The following EHD3 variants were observed in gnomAD, a reference collection of about 807,000 sequenced individuals.
EHD3 encodes the protein EH domain-containing protein 3.
Under a neutral mutation model 43.0 loss-of-function variants are expected in EHD3, and 17 were observed. That is an observed-to-expected ratio of 0.40 (90% confidence interval 0.27 to 0.59). The LOEUF is 0.59. Among genes scored for constraint, EHD3 ranks in the 20% least tolerant of loss-of-function variants. The pLI, the probability that EHD3 is intolerant of heterozygous loss-of-function variation, is 0.49. For missense variants in EHD3, 594 were observed against 705.6 expected (o/e 0.84, Z 1.79); for synonymous variants, 313 against 289.5 (o/e 1.08, Z -0.82).
intron 2 of EHD3, among the ~76,000 whole-genome samples, chr2:31,244,995 T>C (rs1683491984): frequency 6.6e-6 from 1 of 152,206 alleles, no homozygotes; most frequent in Non-Finnish European, 1.5e-5. Flanking sequence ...ATCATGATGA[T>C]GTGAATGGAG....
chr2:31,236,466 G>A (rs1188993976), intron 1 of EHD3, among the ~76,000 whole-genome samples: 1 of 152,208 alleles, frequency 6.6e-6, no homozygotes, highest in East Asian at 1.9e-4. Flanking sequence ...GGGAACCCCT[G>A]ATCTAAGCCA....
Position 31,249,228 on chromosome 2 carries a change from G to A in EHD3, c.405-143G>A, listed in dbSNP as rs1191726148. On this transcript the variant is annotated intron_variant, in intron 2 of 5. Coordinates refer to ENST00000322054, the MANE Select transcript of EHD3 (RefSeq NM_014600.3). The stretch of plus-strand genomic sequence containing the variant: ...CCGGGTCAGCTGTCAGCCACACCCT[G>A]AACTGGGCAAGTCCATGGTGAACTA... 9 of 715,430 alleles carry A rather than the reference G, an allele frequency of 1.3e-5. No homozygotes were observed. The East Asian group carries it at 2.5e-4, about 20-fold the overall frequency. The allele number at this position is 715,430 out of a possible 1,614,324, so 44.3% of individuals were successfully genotyped here. A position where few individuals can be genotyped will look rare whatever the true frequency, so the allele number is the denominator to read the frequency against.
intron 1 of EHD3, among the ~76,000 whole-genome samples, chr2:31,244,004 C>T (rs1027317977): frequency 2.0e-5 from 3 of 152,020 alleles, no homozygotes; most frequent in Non-Finnish European, 2.9e-5. Context: ...AACCTTGCTC[C>T]TTCTACCCCC....
chr2:31,238,922 G>A (rs1683370831), intron 1 of EHD3, among the ~76,000 whole-genome samples: 1 of 152,166 alleles, frequency 6.6e-6, no homozygotes, highest in Non-Finnish European at 1.5e-5. Flanking sequence ...GGGCTCCTTG[G>A]GGAGGCTGGG....
At chr2:31,237,390 T>C (rs2148714843) in intron 1 of EHD3, among the ~76,000 whole-genome samples, 1 of 152,248 alleles carries the variant, frequency 6.6e-6, no homozygotes, top group Admixed American at 6.5e-5. Context: ...TATAATTTTG[T>C]ATGCTGGCTT....
Position 31,249,239 on chromosome 2 carries a change from G to T in EHD3, c.405-132G>T, listed in dbSNP as rs1683587172. On this transcript the variant is annotated intron_variant, in intron 2 of 5. Coordinates refer to ENST00000322054, the MANE Select transcript of EHD3 (RefSeq NM_014600.3). ...GTCAGCCACACCCTGAACTGGGCAA[G>T]TCCATGGTGAACTAAACCCTTCAGG... 5.2e-6 allele frequency: 4 copies of T among 775,222 alleles called. No individual in the cohort carries two copies. The South Asian group carries it at 6.9e-5, about 13-fold the overall frequency. 48.0% of individuals were successfully genotyped at this position (775,222 alleles called of 1,614,324 possible). A position where few individuals can be genotyped will look rare whatever the true frequency, so the allele number is the denominator to read the frequency against.
rs201789717 is a variant in EHD3 at position 31,234,799 on chromosome 2, A to T, written c.178A>T (p.Met60Leu). 13 of 1,614,066 alleles carry T rather than the reference A, an allele frequency of 8.1e-6. No individual in the cohort carries two copies. In the East Asian group the frequency reaches 2.9e-4, roughly 36 times the overall value. ...LEDADFDNKP[M>L]VLLVGQYSTG... ...GGATGCCGACTTCGACAACAAGCCC[A>T]TGGTTCTGCTGGTGGGCCAGTACTC... Residue 60 changes from methionine to leucine, a missense_variant, in exon 1 of 6, where the codon ATG becomes TTG. By Grantham distance (15) the Met-to-Leu change is conservative. Coordinates refer to ENST00000322054, the MANE Select transcript of EHD3 (RefSeq NM_014600.3).
intron 2 of EHD3, among the ~76,000 whole-genome samples, chr2:31,248,040 C>T (rs890217613): frequency 6.6e-6 from 1 of 152,172 alleles, no homozygotes; most frequent in African/African-American, 2.4e-5. Context: ...TCCATTGAAA[C>T]GACAACAGGG....
chr2:31,261,733 CTAA>C lies in EHD3; in HGVS notation c.1080+21_1080+23del. ...ATGCAGGTAGCGAGGGCTGGGGTCT[CTAA>C]GACAAGGGACAGTGTCCCGAGAGCT... On this transcript the variant is annotated intron_variant, in intron 5 of 5. Transcript: ENST00000322054. The C allele has an allele frequency of 1.2e-6, 2 of 1,612,766 alleles. No homozygotes were observed. The highest frequency in any genetic ancestry group is 1.7e-6 in the Non-Finnish European group (2 of 1,179,240).
Position 31,260,856 on chromosome 2 carries a change from G to T in EHD3, c.849G>T (p.Gln283His), listed in dbSNP as rs765564503. 29 of 1,614,056 alleles carry T rather than the reference G, an allele frequency of 1.8e-5. No individual in the cohort carries two copies. The South Asian group carries it at 2.5e-4, about 14-fold the overall frequency. Residue 283 changes from glutamine to histidine, a missense_variant, in exon 4 of 6, where the codon CAG (glutamine) becomes CAT (histidine). Around this residue, in one of 3 missense-constraint regions of EHD3, gnomAD observed 322 missense variants for 348.0 expected, o/e 0.93. Coordinates refer to ENST00000322054, the MANE Select transcript of EHD3 (RefSeq NM_014600.3). This position sits in a 1 kb window ranked among gnomAD's most constrained non-coding sequence, Gnocchi z 4.6. ...AACAGGACCTATTCAGGGACATCCAGAGTCTGCCCCGAAATGCTGCCCTGC... is the reference window on the plus strand; with the variant it reads ...AACAGGACCTATTCAGGGACATCCATAGTCTGCCCCGAAATGCTGCCCTGC... ...AEEQDLFRDI[Q>H]SLPRNAALRK...
chr2:31,266,381 G>A lies in EHD3; in HGVS notation c.1285G>A (p.Gly429Arg). 6.2e-7 allele frequency: 1 copy of A among 1,614,172 alleles called. No homozygotes were observed. The highest frequency in any genetic ancestry group is 8.5e-7 in the Non-Finnish European group (1 of 1,180,006). Reference protein sequence around the residue: ...HGPFGHGYGEGAGEGIDDAEW... With the variant: ...HGPFGHGYGERAGEGIDDAEW... Reference sequence around the variant, plus strand: ...CCCCTTTGGGCATGGCTATGGGGAGGGGGCTGGAGAAGGTATCGATGATGC... The same window carrying A: ...CCCCTTTGGGCATGGCTATGGGGAGAGGGCTGGAGAAGGTATCGATGATGC... Residue 429 changes from glycine (G) to arginine (R), a missense_variant, in exon 6 of 6, where the codon GGG becomes AGG. Coordinates refer to ENST00000322054, the MANE Select transcript of EHD3 (RefSeq NM_014600.3). This position sits in a 1 kb window ranked among gnomAD's most constrained non-coding sequence, Gnocchi z 5.1.
Position 31,267,222 on chromosome 2 carries a change from G to A in EHD3, c.*518G>A, listed in dbSNP as rs1373097126. On this transcript the variant is annotated 3_prime_UTR_variant, in exon 6 of 6. Transcript: ENST00000322054. Reference sequence around the variant, plus strand: ...AGCTGCAGGGAGGAGAGGTGAGAAAGGAAGCGTCTTCTAGAGACATTGGCC... The same window carrying A: ...AGCTGCAGGGAGGAGAGGTGAGAAAAGAAGCGTCTTCTAGAGACATTGGCC... 1 of 154,008 alleles carries A rather than the reference G, an allele frequency of 6.5e-6. No homozygotes were observed. The highest frequency in any genetic ancestry group is 1.4e-5 in the Non-Finnish European group (1 of 69,290). The allele number at this position is 154,008 out of a possible 1,614,324, so 9.5% of individuals were successfully genotyped here.
At chr2:31,246,991 G>A (rs1190448239) in intron 2 of EHD3, among the ~76,000 whole-genome samples, 1 of 151,936 alleles carries the variant, frequency 6.6e-6, no homozygotes, top group Non-Finnish European at 1.5e-5. Context: ...CCATCTCCTG[G>A]GTTCAGGCAA....
At chr2:31,247,167 G>T (rs1683538790) in intron 2 of EHD3, among the ~76,000 whole-genome samples, 1 of 152,180 alleles carries the variant, frequency 6.6e-6, no homozygotes. Context: ...AAAGTGCTGG[G>T]TTTACAGGTG....
chr2:31,240,264 C>T (rs1051751102), intron 1 of EHD3, among the ~76,000 whole-genome samples: 3 of 152,206 alleles, frequency 2.0e-5, no homozygotes, highest in African/African-American at 7.2e-5. Flanking sequence ...TTGTGCATCC[C>T]CGTCTCTGCT....
rs187793965 is a variant in EHD3, at chr2:31,243,837, C to A, written c.228-437C>A. Among the ~76,000 whole-genome samples, 342 of 152,080 alleles carry A rather than the reference C, an allele frequency of 2.2e-3. 3 individuals are homozygous for A. The South Asian group carries it at 0.025, about 11-fold the overall frequency. ...GCTATTTTTATATTAAAGAACTAACCGGTTAAATAAAGACCTATGAAAACC... is the reference window on the plus strand; with the variant it reads ...GCTATTTTTATATTAAAGAACTAACAGGTTAAATAAAGACCTATGAAAACC... On this transcript the variant is annotated intron_variant, in intron 1 of 5. Transcript: ENST00000322054.
chr2:31,250,078 C>T (rs747204219), intron 3 of EHD3, among the ~76,000 whole-genome samples: 6 of 68,334 alleles, frequency 8.8e-5, no homozygotes, highest in African/African-American at 3.0e-4. Context: ...TTCTTTATTT[C>T]AGTTACTTTG....
Position 31,234,527 on chromosome 2 carries a change from C to T in EHD3, c.-95C>T, listed in dbSNP as rs1683285591. The T allele has an allele frequency of 2.1e-6, 3 of 1,424,052 alleles. No individual in the cohort carries two copies. The highest frequency in any genetic ancestry group is 4.7e-5 in the East Asian group (2 of 42,766). 88.2% of individuals were successfully genotyped at this position (1,424,052 alleles called of 1,614,324 possible). On this transcript the variant is annotated 5_prime_UTR_variant, in exon 1 of 6. Transcript: ENST00000322054. Reference sequence around the variant, plus strand: ...CCCGCGCTTGGGTGAGGCGGCGGCGCGGCTCGGAGCCCGGCGGACCGGTCC... The same window carrying T: ...CCCGCGCTTGGGTGAGGCGGCGGCGTGGCTCGGAGCCCGGCGGACCGGTCC...
At position 31,261,728 on chromosome 2, in the gene EHD3, G is replaced by A; in HGVS notation, c.1080+15G>A. On this transcript the variant is annotated intron_variant, in intron 5 of 5. Coordinates refer to ENST00000322054, the MANE Select transcript of EHD3 (RefSeq NM_014600.3). ...AGAGGATGCAGGTAGCGAGGGCTGG[G>A]GTCTCTAAGACAAGGGACAGTGTCC... 6.2e-7 allele frequency: 1 copy of A among 1,613,272 alleles called. No homozygotes were observed. Among genetic ancestry groups the A allele is most frequent in the Non-Finnish European group, 8.5e-7 (1 of 1,179,536 alleles).
Sources: gnomAD v4.1 joint callset for allele counts (sites outside exome capture counted in the v4.1 genomes callset) on GRCh38, gnomAD v4.1.1 for gene constraint, gnomAD v4.1.1 regional missense constraint, Gnocchi (gnomAD v3.1) non-coding constraint, MANE v1.5 for transcripts, NCBI Gene and HGNC (gene_info 2026-07-23, HGNC 2026-07-21) for gene names.